The following ADGRG6 variants were observed in gnomAD, a reference collection of about 807,000 sequenced individuals.
ADGRG6 encodes G-protein coupled receptor 126.
Under a neutral mutation model 142.4 loss-of-function variants are expected in ADGRG6, and 84 were observed. That is an observed-to-expected ratio of 0.59 (90% CI 0.49 to 0.71). ADGRG6 has a LOEUF of 0.71. ADGRG6 is among the 30% of genes least tolerant of loss of function. ADGRG6 has a pLI of 0.00. For synonymous variants in ADGRG6, 521 were observed against 520.5 expected, an observed-to-expected ratio of 1.00 and a Z score of -0.01; for missense variants, 1,367 against 1,466.6, an observed-to-expected ratio of 0.93 and a Z score of 1.11.
In ADGRG6 at chr6:142,444,850, G is replaced by C. The variant is rs1227725316; in HGVS notation, c.*1335G>C. 1 of 152,198 alleles carries C rather than the reference G, an allele frequency of 6.6e-6. No homozygotes were observed. The allele number at this position is 152,198 out of a possible 1,614,324, so 9.4% of individuals were successfully genotyped here. A position where few individuals can be genotyped will look rare whatever the true frequency, so the allele number is the denominator to read the frequency against. On this transcript the variant is annotated 3_prime_UTR_variant, in exon 25 of 25. Transcript: ENST00000367609. ...TTAGAAATCGGTCTCAGTGCATGCTGTGCTTTTTCACATTTGCTCTGGGTT... is the reference window on the plus strand; with the variant it reads ...TTAGAAATCGGTCTCAGTGCATGCTCTGCTTTTTCACATTTGCTCTGGGTT...
chr6:142,355,411 A>G (rs1780396959), intron 2 of ADGRG6, among the ~76,000 whole-genome samples: 2 of 152,194 alleles, frequency 1.3e-5, no homozygotes, highest in Admixed American at 1.3e-4. Flanking sequence ...TTGATATTCT[A>G]AATGGGATCA....
chr6:142,417,936 T>G (rs991581451), intron 21 of ADGRG6, among the ~76,000 whole-genome samples: 3 of 152,064 alleles, frequency 2.0e-5, no homozygotes, highest in African/African-American at 7.2e-5. Flanking sequence ...ACTGAATGAA[T>G]AAAGAGCCTA....
intron 16 of ADGRG6, among the ~76,000 whole-genome samples, chr6:142,409,398 T>C (rs182024998): frequency 3.8e-4 from 58 of 152,326 alleles, no homozygotes; most frequent in Non-Finnish European, 2.2e-4. Flanking sequence ...AGATTTTGTT[T>C]GTCTATTCCT....
Position 142,419,800 on chromosome 6 carries a change from TCTCA to T in ADGRG6, c.3036-20_3036-17del. On this transcript the variant is annotated splice_polypyrimidine_tract_variant and intron_variant, in intron 21 of 24. Coordinates refer to ENST00000367609, the MANE Select transcript of ADGRG6 (RefSeq NM_198569.3). ...ACATGGTAATAAATCTTTTTTTCTT[TCTCA>T]TTTCTTCTTTTTTAAGCTGTTGGAT... The T allele has an allele frequency of 6.4e-7, 1 of 1,569,276 alleles. No individual in the cohort carries two copies. The highest frequency in any genetic ancestry group is 8.7e-7 in the Non-Finnish European group (1 of 1,152,864).
intron 2 of ADGRG6, among the ~76,000 whole-genome samples, chr6:142,330,593 A>T (rs769058457): frequency 9.2e-5 from 14 of 152,196 alleles, no homozygotes; most frequent in Non-Finnish European, 1.8e-4. Flanking sequence ...CAAGAAACAG[A>T]TGATGTATTA....
chr6:142,380,284 AT>A (rs564247202), intron 4 of ADGRG6, among the ~76,000 whole-genome samples: 69 of 152,174 alleles, frequency 4.5e-4, no homozygotes, highest in African/African-American at 1.6e-3. Context: ...CCTCTCTTCC[AT>A]CATGGCCTCA....
chr6:142,350,723 G>T (rs942624882), intron 2 of ADGRG6, among the ~76,000 whole-genome samples: 2 of 152,104 alleles, frequency 1.3e-5, no homozygotes, highest in East Asian at 3.8e-4. Flanking sequence ...AGTGGGAGGA[G>T]GGAGCAAGCA....
At chr6:142,334,021 A>G (rs1048793801) in intron 2 of ADGRG6, among the ~76,000 whole-genome samples, 13 of 152,218 alleles carry the variant, frequency 8.5e-5, no homozygotes, top group African/African-American at 3.1e-4. Flanking sequence ...CTGATAAATG[A>G]TATCAGATTT....
Position 142,422,120 on chromosome 6 carries a change from A to G in ADGRG6, c.3319+2016A>G, listed in dbSNP as rs186979209. On this transcript the variant is annotated intron_variant, in intron 22 of 24. Transcript: ENST00000367609. Reference sequence around the variant, plus strand: ...AAATGATTCAGTGAATGCAAAATGAACTCAGGTAGTAAGGAGGCAAACTAC... The same window carrying G: ...AAATGATTCAGTGAATGCAAAATGAGCTCAGGTAGTAAGGAGGCAAACTAC... Among the ~76,000 whole-genome samples, 158 of 152,152 alleles carry G rather than the reference A, an allele frequency of 1.0e-3. 4 individuals carry two copies. In the East Asian group the frequency reaches 0.028, roughly 27 times the overall value.
At chr6:142,426,440 G>C (rs1406253663) in intron 22 of ADGRG6, among the ~76,000 whole-genome samples, 1 of 152,196 alleles carries the variant, frequency 6.6e-6, no homozygotes, top group Non-Finnish European at 1.5e-5. Flanking sequence ...ACTGATGCAA[G>C]AGGTGGGTTC....
chr6:142,397,573 A>G (rs1460001171), intron 9 of ADGRG6, 40 bp from the exon 10 acceptor site: 1 of 1,588,030 alleles, frequency 6.3e-7, no homozygotes, highest in South Asian at 1.2e-5. Context: ...CAAGCAACCA[A>G]TGAACAACAA....
At chr6:142,414,384 T>C (rs1358271064) in intron 18 of ADGRG6, among the ~76,000 whole-genome samples, 1 of 152,184 alleles carries the variant, frequency 6.6e-6, no homozygotes, top group Admixed American at 6.5e-5. Context: ...CCCAAAAGTC[T>C]TAATGGCATC....
intron 2 of ADGRG6, among the ~76,000 whole-genome samples, chr6:142,337,962 T>C (rs952411822): frequency 2.6e-5 from 4 of 151,022 alleles, no homozygotes; most frequent in Non-Finnish European, 4.4e-5. Flanking sequence ...TATATACTTT[T>C]GTTGAAAATA....
In ADGRG6 at chr6:142,302,315, C is replaced by T. The variant is rs1231391361; in HGVS notation, c.-15C>T. On this transcript the variant is annotated 5_prime_UTR_variant, in exon 1 of 25. Coordinates refer to ENST00000367609, the MANE Select transcript of ADGRG6 (RefSeq NM_198569.3). ...ATCTTGCGGCCAAAGGGGACCTCGG[C>T]GCAGTAATGTCAACATGTAAGTCTC... 1.2e-6 allele frequency: 2 copies of T among 1,612,728 alleles called. No individual in the cohort carries two copies. Among genetic ancestry groups the T allele is most frequent in the Admixed American group, 3.3e-5 (2 of 59,900 alleles).
At chr6:142,408,095 A>C in intron 15 of ADGRG6, 55 bp from the exon 16 acceptor site, 29 of 1,381,416 alleles carry the variant, frequency 2.1e-5, no homozygotes, top group African/African-American at 2.9e-5. Context: ...GGAGCACCAA[A>C]GTAAAATAAA....
intron 4 of ADGRG6, among the ~76,000 whole-genome samples, chr6:142,378,014 G>A (rs2114910605): frequency 6.6e-6 from 1 of 152,190 alleles, no homozygotes; most frequent in South Asian, 2.1e-4. Flanking sequence ...TGCTAAACTA[G>A]AAGTTCCCCA....
intron 2 of ADGRG6, among the ~76,000 whole-genome samples, chr6:142,311,994 C>T (rs1251479926): frequency 4.0e-5 from 6 of 151,884 alleles, no homozygotes. Flanking sequence ...TCCTCTTCTC[C>T]CTTACCTGGT....
chr6:142,392,315 G>T (rs1296967095), intron 7 of ADGRG6, among the ~76,000 whole-genome samples: 3 of 151,756 alleles, frequency 2.0e-5, no homozygotes, highest in African/African-American at 7.3e-5. Context: ...TCTTTATATT[G>T]GAGGAATCCA....
chr6:142,375,890 T>C (rs975202154), intron 4 of ADGRG6, among the ~76,000 whole-genome samples: 2 of 152,166 alleles, frequency 1.3e-5, no homozygotes, highest in African/African-American at 4.8e-5. Context: ...CTAGCCTTAA[T>C]AAAATTGATA....
Sources: allele counts gnomAD v4.1 joint callset (sites outside exome capture counted in the v4.1 genomes callset), GRCh38; gene constraint gnomAD v4.1.1; transcripts MANE v1.5; gene names NCBI Gene and HGNC (gene_info 2026-07-23, HGNC 2026-07-21).